The following GPHN variants were observed in gnomAD, a reference collection of about 807,000 sequenced individuals.
The protein encoded by GPHN is gephyrin.
A neutral mutation model predicts 95.5 loss-of-function variants in GPHN; 17 were observed. The ratio of observed to expected loss-of-function variants is 0.18; its 90% CI spans 0.12 to 0.27. GPHN has a LOEUF of 0.27. GPHN is among the 10% of genes least tolerant of loss of function. GPHN has a pLI of 1.00. For missense variants in GPHN, 660 were observed against 978.1 expected, an observed-to-expected ratio of 0.67 and a Z score of 4.34; for synonymous variants, 320 against 322.5, an observed-to-expected ratio of 0.99 and a Z score of 0.08.
chr14:67,531,437 C>T, the GPHN span, among the ~76,000 whole-genome samples: 1 of 152,066 alleles, frequency 6.6e-6, no homozygotes, highest in African/African-American at 2.4e-5. Context: ...GGGTCCTGCT[C>T]AGAGTTGGGC....
At chr14:67,694,710 A>C in the GPHN span, among the ~76,000 whole-genome samples, 1 of 152,196 alleles carries the variant, frequency 6.6e-6, no homozygotes, top group Admixed American at 6.5e-5. Context: ...AGGCAGAAAA[A>C]ATATAACTGG....
chr14:67,507,884 G>C, the GPHN span, among the ~76,000 whole-genome samples: 823 of 152,258 alleles, frequency 5.4e-3, 9 homozygotes, highest in Non-Finnish European at 8.9e-3. Context: ...CACGCCTGTA[G>C]TCCCAGCACT....
At chr14:67,621,794 C>T in the GPHN span, among the ~76,000 whole-genome samples, 571 of 151,680 alleles carry the variant, frequency 3.8e-3, 2 homozygotes, top group African/African-American at 0.013. Flanking sequence ...AGTAACAGCA[C>T]CAAATTTGAA....
At chr14:67,503,273 C>T in the GPHN span, among the ~76,000 whole-genome samples, 1 of 152,190 alleles carries the variant, frequency 6.6e-6, no homozygotes, top group Non-Finnish European at 1.5e-5. Flanking sequence ...AAAAGGACTA[C>T]AGTTTGGGTA....
At chr14:67,581,274 GCA>G in the GPHN span, among the ~76,000 whole-genome samples, 220 of 147,886 alleles carry the variant, frequency 1.5e-3, no homozygotes, top group Middle Eastern at 3.5e-3. Context: ...GTGTGTATAT[GCA>G]CACACACACA....
chr14:67,325,701 C>T, the GPHN span, among the ~76,000 whole-genome samples: 2 of 152,192 alleles, frequency 1.3e-5, no homozygotes, highest in Non-Finnish European at 2.9e-5. Context: ...TAATTTTCCA[C>T]TTCCTAACAT....
intron 4 of GPHN, among the ~76,000 whole-genome samples, chr14:66,845,444 GAC>G (rs1288951385): frequency 6.6e-6 from 1 of 152,132 alleles, no homozygotes; most frequent in Non-Finnish European, 1.5e-5. Context: ...AAGTTAAAAT[GAC>G]ACAGATCTTG....
chr14:67,656,824 C>T, the GPHN span, among the ~76,000 whole-genome samples: 207 of 152,206 alleles, frequency 1.4e-3, 2 homozygotes, highest in African/African-American at 4.5e-3. Flanking sequence ...TACACTTACG[C>T]GAGGCAAGGA....
the GPHN span, chr14:67,473,650 C>T: frequency 1.3e-6 from 2 of 1,579,798 alleles, no homozygotes; most frequent in Non-Finnish European, 1.7e-6. The surrounding 1 kb of genome is among the most constrained non-coding windows in gnomAD (Gnocchi z 6.5). Context: ...AGGATGAAGC[C>T]GGTGGTGAAC....
At chr14:67,603,067 G>GTTTGGTTTGTTTTGT in the GPHN span, among the ~76,000 whole-genome samples, 3 of 151,498 alleles carry the variant, frequency 2.0e-5, no homozygotes, top group Non-Finnish European at 4.4e-5. Flanking sequence ...TTTCTTTCTG[G>GTTTGGTTTGTTTTGT]TTTGTTTTGT....
At chr14:67,729,416 T>C in the GPHN span, 21 of 1,582,424 alleles carry the variant, frequency 1.3e-5, no homozygotes, top group Non-Finnish European at 1.8e-5. Context: ...CCACCACCTG[T>C]GTGCATGGGA....
the GPHN span, among the ~76,000 whole-genome samples, chr14:67,511,268 T>C: frequency 6.6e-6 from 1 of 152,188 alleles, no homozygotes; most frequent in Non-Finnish European, 1.5e-5. Flanking sequence ...AGCAAAGGAA[T>C]GGCAGAAAGT....
intron 9 of GPHN, among the ~76,000 whole-genome samples, chr14:66,983,878 T>C (rs1025173102): frequency 5.3e-5 from 8 of 152,214 alleles, no homozygotes; most frequent in African/African-American, 1.9e-4. Flanking sequence ...CATTCTGTTA[T>C]AAGCATTAAT....
At chr14:66,560,856 C>T (rs10133526) in intron 1 of GPHN, among the ~76,000 whole-genome samples, 153 of 152,194 alleles carry the variant, frequency 1.0e-3, no homozygotes, top group African/African-American at 3.5e-3. Context: ...TTTGCCCATT[C>T]GGTATGATAT....
chr14:66,547,598 C>T lies in GPHN; in HGVS notation c.64+39007C>T, dbSNP rs969865923. Among the ~76,000 whole-genome samples the T allele has an allele frequency of 2.6e-5, 4 of 152,092 alleles. No homozygotes were observed. The South Asian group carries it at 6.2e-4, about 24-fold the overall frequency. ...GTTGTTGTTTTATTCTTATAAAACT[C>T]TTTTGTTATGCCAGTATTATAATGG... On this transcript the variant is annotated intron_variant, in intron 1 of 22. Transcript: ENST00000478722.
At chr14:67,615,614 A>G in the GPHN span, 130 of 551,830 alleles carry the variant, frequency 2.4e-4, no homozygotes, top group East Asian at 2.4e-3. Flanking sequence ...TTTTCTAAGA[A>G]GTGCTTAGTG....
intron 17 of GPHN, among the ~76,000 whole-genome samples, chr14:67,140,236 T>A (rs2080369489): frequency 6.6e-6 from 1 of 151,910 alleles, no homozygotes; most frequent in Non-Finnish European, 1.5e-5. Context: ...ATACAAAAAT[T>A]AGCCTGGCAT....
At chr14:67,305,018 A>G in the GPHN span, among the ~76,000 whole-genome samples, 3 of 152,186 alleles carry the variant, frequency 2.0e-5, no homozygotes, top group Non-Finnish European at 2.9e-5. Flanking sequence ...TGTATCTGCA[A>G]CCTACTTTAT....
chr14:66,623,859 G>A (rs2063412677), intron 1 of GPHN, among the ~76,000 whole-genome samples: 1 of 152,076 alleles, frequency 6.6e-6, no homozygotes, highest in Non-Finnish European at 1.5e-5. Context: ...CTGAACCCAG[G>A]GCTTGCCAAA....
Sources: gnomAD v4.1 joint callset for allele counts (sites outside exome capture counted in the v4.1 genomes callset) on GRCh38, gnomAD v4.1.1 for gene constraint, Gnocchi (gnomAD v3.1) non-coding constraint, MANE v1.5 for transcripts, NCBI Gene and HGNC (gene_info 2026-07-23, HGNC 2026-07-21) for gene names.